ASIC2: variants seen among roughly 807,000 people sequenced by gnomAD.
ASIC2 encodes acid-sensing ion channel 2.
A neutral mutation model predicts 57.3 loss-of-function variants in ASIC2; 25 were observed. The observed-to-expected ratio is 0.44, with a 90% CI of 0.32 to 0.61. The LOEUF (loss-of-function observed/expected upper bound fraction) is 0.61, where lower values mean the gene tolerates loss of function less well. Among genes scored for constraint, ASIC2 ranks in the 20% least tolerant of loss-of-function variants. ASIC2 has a pLI of 0.06. For synonymous variants in ASIC2, 319 were observed against 307.5 expected, an observed-to-expected ratio of 1.04 and a Z score of -0.39; for missense variants, 641 against 738.1, an observed-to-expected ratio of 0.87 and a Z score of 1.52.
At chr17:34,064,894 G>A (rs936379508) in intron 1 of ASIC2, among the ~76,000 whole-genome samples, 8 of 152,324 alleles carry the variant, frequency 5.3e-5, no homozygotes, top group Middle Eastern at 3.4e-3. Context: ...TGTTAGCGTG[G>A]ATGCAGTGAA....
chr17:34,023,432 C>T (rs73278486), intron 1 of ASIC2, among the ~76,000 whole-genome samples: 6,860 of 151,872 alleles, frequency 0.045, 518 homozygotes, highest in African/African-American at 0.16. Flanking sequence ...TGAACTGCTG[C>T]AGAGGCTCAC....
intron 1 of ASIC2, among the ~76,000 whole-genome samples, chr17:34,148,224 T>C (rs1363390964): frequency 1.3e-5 from 2 of 152,206 alleles, no homozygotes; most frequent in Non-Finnish European, 2.9e-5. Context: ...TTTAGGAACT[T>C]GTGCAGTAGC....
rs115323111 is a variant in ASIC2 at position 33,330,320 on chromosome 17, A to G, written c.556-218253T>C. 5.8e-3 allele frequency among the ~76,000 whole-genome samples: 881 copies of G among 152,262 alleles called. 9 individuals carry two copies. The highest frequency in any genetic ancestry group is 0.019 in the African/African-American group (807 of 41,532). On this transcript the variant is annotated intron_variant, in intron 1 of 9. Coordinates refer to the ASIC2 transcript ENST00000359872. ...TACAGTCTCCCAAGTTTCCCAGCTC[A>G]TTCTGTGCTTCTCAAGTGGCTGGAC...
rs143988355 is a variant in ASIC2 at position 33,911,742 on chromosome 17, C to T, written c.555+244236G>A. ...GTGTGCAATGAAATCATTACCTGGA[C>T]CAGAGCTTAATGTATTCTCAAGCTA... On this transcript the variant is annotated intron_variant, in intron 1 of 9. Coordinates refer to the ASIC2 transcript ENST00000359872. Among the ~76,000 whole-genome samples, 14 of 152,232 alleles carry T rather than the reference C, an allele frequency of 9.2e-5. No individual in the cohort carries two copies. The East Asian group carries it at 2.7e-3, about 29-fold the overall frequency.
chr17:34,116,687 A>G (rs2142115463), intron 1 of ASIC2, among the ~76,000 whole-genome samples: 1 of 152,226 alleles, frequency 6.6e-6, no homozygotes, highest in African/African-American at 2.4e-5. Flanking sequence ...TGAGATTTAA[A>G]AGATGCCACC....
intron 1 of ASIC2, among the ~76,000 whole-genome samples, chr17:33,378,251 T>G (rs753711877): frequency 2.6e-5 from 4 of 152,258 alleles, no homozygotes; most frequent in African/African-American, 4.8e-5. Context: ...GTTCTATACA[T>G]GCTCCTTCAC....
chr17:33,350,956 C>T (rs1216913716), intron 1 of ASIC2, among the ~76,000 whole-genome samples: 5 of 152,172 alleles, frequency 3.3e-5, no homozygotes, highest in Non-Finnish European at 7.3e-5. Context: ...TGGGATTCCA[C>T]AGCATTTCCT....
intron 1 of ASIC2, among the ~76,000 whole-genome samples, chr17:34,050,698 C>G (rs1046626294): frequency 6.6e-6 from 1 of 152,210 alleles, no homozygotes; most frequent in Admixed American, 6.5e-5. Flanking sequence ...GAACCTCAAG[C>G]AGCTTATAGA....
At chr17:34,128,269 C>T (rs112739077) in intron 1 of ASIC2, among the ~76,000 whole-genome samples, 14 of 152,174 alleles carry the variant, frequency 9.2e-5, no homozygotes, top group African/African-American at 3.4e-4. Flanking sequence ...GGATTCCACT[C>T]TGCCACACCT....
At chr17:33,041,178 G>A (rs371453316) in intron 3 of ASIC2, among the ~76,000 whole-genome samples, 56 of 152,270 alleles carry the variant, frequency 3.7e-4, no homozygotes, top group African/African-American at 1.2e-3. Context: ...TCTTGGTCAA[G>A]TTACCTAACT....
At chr17:33,083,933 C>T (rs760046409) in intron 3 of ASIC2, among the ~76,000 whole-genome samples, 31 of 152,100 alleles carry the variant, frequency 2.0e-4, no homozygotes, top group Admixed American at 4.6e-4. Context: ...AGGAGGGTGG[C>T]CAGAGCCTCT....
intron 1 of ASIC2, among the ~76,000 whole-genome samples, chr17:34,056,235 T>C (rs1021015963): frequency 2.0e-5 from 3 of 152,150 alleles, no homozygotes; most frequent in Non-Finnish European, 4.4e-5. Context: ...CCATTTGCAA[T>C]GGCTGAGGCA....
intron 1 of ASIC2, among the ~76,000 whole-genome samples, chr17:33,873,909 G>A (rs780103921): frequency 2.0e-5 from 3 of 152,196 alleles, no homozygotes; most frequent in Non-Finnish European, 4.4e-5. Context: ...GCACTTAGGA[G>A]GAAGGGGCTG....
chr17:33,981,368 T>C (rs930313345), intron 1 of ASIC2, among the ~76,000 whole-genome samples: 1 of 152,222 alleles, frequency 6.6e-6, no homozygotes, highest in African/African-American at 2.4e-5. Flanking sequence ...CAGGAAGTTT[T>C]CATTTTGCCT....
chr17:33,201,506 C>T (rs1031733883), intron 1 of ASIC2, among the ~76,000 whole-genome samples: 1 of 152,206 alleles, frequency 6.6e-6, no homozygotes, highest in African/African-American at 2.4e-5. Flanking sequence ...GCCATGGCAA[C>T]ATCTAAACGT....
intron 1 of ASIC2, among the ~76,000 whole-genome samples, chr17:33,313,773 C>T (rs1288759301): frequency 6.6e-6 from 1 of 151,954 alleles, no homozygotes; most frequent in Non-Finnish European, 1.5e-5. Context: ...TCCAATTGTT[C>T]CCTGGCGGAA....
chr17:33,614,543 C>T (rs1372140821), intron 1 of ASIC2, among the ~76,000 whole-genome samples: 2 of 152,168 alleles, frequency 1.3e-5, no homozygotes, highest in Non-Finnish European at 2.9e-5. Flanking sequence ...TCTGCATCGC[C>T]AAGGGGCTAG....
chr17:33,561,664 G>A (rs990891417), intron 1 of ASIC2, among the ~76,000 whole-genome samples: 1 of 152,182 alleles, frequency 6.6e-6, no homozygotes, highest in Admixed American at 6.5e-5. Flanking sequence ...CATAGGGGGC[G>A]TGAGCTAGAA....
At position 33,291,319 on chromosome 17, in the gene ASIC2, G is replaced by T. The variant is rs549261422; in HGVS notation, c.708+89C>A. On this transcript the variant is annotated intron_variant, in intron 1 of 9. Coordinates refer to ENST00000225823, the MANE Select transcript of ASIC2 (RefSeq NM_183377.2). ...AGTGGTAACACTGCAAGAGGCCTGG[G>T]GACAGCCCCGAGGGGGCGGAACACC... 4.7e-5 allele frequency: 69 copies of T among 1,478,700 alleles called. No homozygotes were observed. In the East Asian group the frequency reaches 1.5e-3, roughly 33 times the overall value. 91.6% of individuals were successfully genotyped at this position (1,478,700 alleles called of 1,614,324 possible).
Sources: allele counts gnomAD v4.1 joint callset (sites outside exome capture counted in the v4.1 genomes callset), GRCh38; gene constraint gnomAD v4.1.1; transcripts MANE v1.5; gene names NCBI Gene and HGNC (gene_info 2026-07-23, HGNC 2026-07-21).